SIRPG: variants seen among roughly 807,000 people sequenced by gnomAD.
SIRPG encodes signal-regulatory protein gamma.
In SIRPG, 38 loss-of-function variants were observed where a neutral mutation model predicts 35.7. The ratio of observed to expected loss-of-function variants is 1.06; its 90% confidence interval spans 0.82 to 1.40. The LOEUF is 1.40. Ranked by LOEUF, SIRPG falls within the 40% of genes most tolerant of loss-of-function variation. The pLI is 0.00. For synonymous variants in SIRPG, 215 were observed against 190.4 expected (o/e 1.13, Z -1.06); for missense variants, 519 against 483.0 (o/e 1.07, Z -0.70).
At chr20:1,659,480 A>G (rs1377214027), upstream of SIRPG, among the ~76,000 whole-genome samples, 1 of 152,234 alleles carries the variant, frequency 6.6e-6, no homozygotes, top group Non-Finnish European at 1.5e-5. Context: ...TGGCTTCTAT[A>G]TGACATGAAG....
At chr20:1,660,550 G>A (rs115803475), upstream of SIRPG, among the ~76,000 whole-genome samples, 908 of 152,314 alleles carry the variant, frequency 6.0e-3, 8 homozygotes, top group African/African-American at 0.018. Flanking sequence ...TGTGCTTAGA[G>A]CAGCAAGTGC....
intron 1 of SIRPG, among the ~76,000 whole-genome samples, chr20:1,649,626 G>GTTTTTT (rs1568736258): frequency 2.0e-5 from 2 of 101,618 alleles, no homozygotes; most frequent in Admixed American, 1.3e-4. Flanking sequence ...GCACAGAGAG[G>GTTTTTT]TTCTTTTTTT....
In SIRPG at chr20:1,635,616, T is replaced by C. The variant is rs374181477; in HGVS notation, c.749-17A>G. Reference sequence around the variant, plus strand: ...TGGGTGGAACTGAAACAGCACAGGGTAGAAGCTCTGATCTTCTGGCACAGA... The same window carrying C: ...TGGGTGGAACTGAAACAGCACAGGGCAGAAGCTCTGATCTTCTGGCACAGA... On this transcript the variant is annotated splice_polypyrimidine_tract_variant and intron_variant, in intron 3 of 5. Transcript: ENST00000303415. 1.7e-5 allele frequency: 27 copies of C among 1,611,824 alleles called. No homozygotes were observed. Among genetic ancestry groups the C allele is most frequent in the Middle Eastern group, 1.7e-4 (1 of 5,938 alleles).
the SIRPG span, among the ~76,000 whole-genome samples, chr20:1,679,708 G>A: frequency 2.6e-5 from 4 of 152,034 alleles, no homozygotes; most frequent in African/African-American, 7.3e-5. Context: ...CAATCAGCAG[G>A]ACTTACTCTA....
intron 4 of SIRPG, 55 bp from the exon 5 acceptor site, chr20:1,630,361 T>G: frequency 7.2e-7 from 1 of 1,382,682 alleles, no homozygotes; most frequent in Non-Finnish European, 1.0e-6. Context: ...GAGGCCATTG[T>G]AGGGGCCTCC....
the SIRPG span, among the ~76,000 whole-genome samples, chr20:1,683,222 GT>G: frequency 6.6e-6 from 1 of 152,152 alleles, no homozygotes; most frequent in African/African-American, 2.4e-5. Flanking sequence ...TGTTAGAATG[GT>G]TATTATCAAA....
chr20:1,651,374 G>C (rs957996533), intron 1 of SIRPG: 1 of 152,214 alleles, frequency 6.6e-6, no homozygotes, highest in Non-Finnish European at 1.5e-5. Flanking sequence ...AACCCATCAT[G>C]CTTTTTCTTG....
intron 4 of SIRPG, among the ~76,000 whole-genome samples, chr20:1,634,662 C>A (rs17770331): frequency 0.19 from 29,233 of 152,054 alleles, 3,547 homozygotes; most frequent in Admixed American, 0.31. Flanking sequence ...TGATGAGAAA[C>A]GGGCACAACA....
the SIRPG span, among the ~76,000 whole-genome samples, chr20:1,664,303 G>T: frequency 1.4e-4 from 22 of 152,236 alleles, no homozygotes; most frequent in African/African-American, 4.6e-4. Context: ...AAACAAAGAG[G>T]AAAGAGAACT....
chr20:1,647,958 TG>T (rs1030302484), intron 2 of SIRPG: 31 of 152,312 alleles, frequency 2.0e-4, no homozygotes, highest in African/African-American at 7.2e-4. Context: ...TAACAAACAC[TG>T]GGGAAGGAAG....
At chr20:1,657,067 A>G (rs1343164462) in intron 1 of SIRPG, among the ~76,000 whole-genome samples, 2 of 152,166 alleles carry the variant, frequency 1.3e-5, no homozygotes, top group Non-Finnish European at 2.9e-5. Context: ...GAAAATGAGA[A>G]TACAGACACA....
rs758657511 is a variant in SIRPG, at chr20:1,636,500, G to A, written c.436C>T (p.Pro146Ser). The part of the protein sequence containing the change: ...PGTEMALGAK[P>S]SAPVVLGPAA... ...GGGCCCAATACCACGGGGGCAGAGG[G>A]TTTGGCTACAAAAGGGGCATCGATA... Residue 146 changes from proline to serine, a missense_variant, in exon 3 of 6, where the codon CCC becomes TCC. Transcript: ENST00000303415. The A allele has an allele frequency of 1.1e-5, 17 of 1,613,940 alleles. No homozygotes were observed. The South Asian group carries it at 1.6e-4, about 16-fold the overall frequency.
chr20:1,630,526 G>A (rs1000549613), intron 4 of SIRPG: 1 of 519,318 alleles, frequency 1.9e-6, no homozygotes, highest in Non-Finnish European at 3.4e-6. Flanking sequence ...TTATTCTCCT[G>A]GAGGGAAGAG....
Position 1,635,287 on chromosome 20 carries a change from T to C in SIRPG, c.1061A>G (p.Gln354Arg). The C allele has an allele frequency of 6.2e-7, 1 of 1,612,126 alleles. No homozygotes were observed. The highest frequency in any genetic ancestry group is 1.7e-4 in the Middle Eastern group (1 of 6,058). Residue 354 changes from glutamine (Q) to arginine (R), a missense_variant, in exon 4 of 6, where the codon CAG becomes CGG. Transcript: ENST00000303415. The part of the protein sequence containing the change: ...ALEVTVHQKD[Q>R]SSDATPGPAS... ...CTCACCAGGGGTAGCATCTGAGCTC[T>C]GGTCCTTCTGGTGGACTGTGACCTC...
upstream of SIRPG, among the ~76,000 whole-genome samples, chr20:1,662,759 G>A (rs932997431): frequency 6.6e-6 from 1 of 152,036 alleles, no homozygotes; most frequent in Non-Finnish European, 1.5e-5. Context: ...ATCCTGCACT[G>A]CCATGCAAAG....
intron 1 of SIRPG, among the ~76,000 whole-genome samples, chr20:1,654,136 G>A (rs1265878637): frequency 1.3e-5 from 2 of 151,976 alleles, no homozygotes; most frequent in Non-Finnish European, 2.9e-5. Flanking sequence ...CTACTTGGGA[G>A]GCTGAGGCAG....
chr20:1,670,326 G>A, the SIRPG span: 3 of 181,656 alleles, frequency 1.7e-5, no homozygotes. Flanking sequence ...CCACCACCAC[G>A]GTGAGGGCAT....
intron 4 of SIRPG, chr20:1,630,560 A>G (rs2091741970): frequency 2.3e-6 from 1 of 427,246 alleles, no homozygotes. Flanking sequence ...GTACTCAGGT[A>G]TTCATACATG....
chr20:1,648,592 C>T (rs1423823106), intron 2 of SIRPG: 1 of 152,336 alleles, frequency 6.6e-6, no homozygotes, highest in Non-Finnish European at 1.5e-5. Flanking sequence ...GAGTCTGGCA[C>T]ACAGTGGGTT....
Sources: allele counts gnomAD v4.1 joint callset (sites outside exome capture counted in the v4.1 genomes callset), GRCh38; gene constraint gnomAD v4.1.1; transcripts MANE v1.5; gene names NCBI Gene and HGNC (gene_info 2026-07-23, HGNC 2026-07-21).